KAZN: variants seen among roughly 807,000 people sequenced by gnomAD.
KAZN encodes the protein kazrin, periplakin interacting protein.
KAZN carries 40 observed loss-of-function variants against 87.4 expected under a neutral mutation model. The ratio of observed to expected loss-of-function variants is 0.46; its 90% CI spans 0.36 to 0.60. The LOEUF is 0.60. Ranked by LOEUF, KAZN falls within the 20% of genes least tolerant of loss-of-function variation. The pLI is 0.00. For synonymous variants in KAZN, 466 were observed against 458.3 expected (o/e 1.02, Z -0.22); for missense variants, 898 against 1,073.9 (o/e 0.84, Z 2.29).
intron 1 of KAZN, among the ~76,000 whole-genome samples, chr1:14,762,392 G>A (rs939974391): frequency 6.6e-6 from 1 of 152,184 alleles, no homozygotes; most frequent in Non-Finnish European, 1.5e-5. Context: ...TAGGGCTTCA[G>A]GTAGCAGGTG....
intron 1 of KAZN, chr1:13,893,837 G>A: frequency 6.9e-7 from 1 of 1,439,720 alleles, no homozygotes; most frequent in Non-Finnish European, 9.4e-7. Context: ...AGCGGTCTGT[G>A]TGTGTCTGTG....
chr1:14,255,611 G>T (rs6429832), intron 2 of KAZN, among the ~76,000 whole-genome samples: 28,986 of 152,142 alleles, frequency 0.19, 3,103 homozygotes, highest in Middle Eastern at 0.32. Context: ...CTATGTCATA[G>T]TTTTATACAA....
At chr1:14,052,048 A>G (rs907239901) in intron 1 of KAZN, among the ~76,000 whole-genome samples, 2 of 151,982 alleles carry the variant, frequency 1.3e-5, no homozygotes, top group Non-Finnish European at 2.9e-5. Flanking sequence ...TGTGGTTTGG[A>G]TTTTATGTAC....
At chr1:14,425,583 C>T (rs1358571659) in intron 2 of KAZN, among the ~76,000 whole-genome samples, 1 of 152,156 alleles carries the variant, frequency 6.6e-6, no homozygotes, top group African/African-American at 2.4e-5. Context: ...CAAACTTGGA[C>T]TTGAATCCCG....
chr1:14,480,570 C>T (rs1669014263), intron 2 of KAZN, among the ~76,000 whole-genome samples: 1 of 145,668 alleles, frequency 6.9e-6, no homozygotes, highest in Admixed American at 6.9e-5. Context: ...TATTTATAAA[C>T]ATAATACATA....
At chr1:14,379,048 C>T (rs1661146659) in intron 2 of KAZN, among the ~76,000 whole-genome samples, 1 of 77,232 alleles carries the variant, frequency 1.3e-5, no homozygotes, top group Admixed American at 1.7e-4. Flanking sequence ...ATCTAGAATG[C>T]CAGCTCAGCC....
chr1:15,060,441 G>A (rs1033653585), intron 6 of KAZN, 139 bp downstream of exon 6: 74 of 1,163,932 alleles, frequency 6.4e-5, no homozygotes, highest in Non-Finnish European at 1.6e-5. Context: ...TTCCTGTTCT[G>A]TTCTTTCCTT....
intron 1 of KAZN, among the ~76,000 whole-genome samples, chr1:14,833,999 A>ACACG (rs1010519806): frequency 6.7e-6 from 1 of 150,126 alleles, no homozygotes; most frequent in African/African-American, 2.4e-5. Context: ...ACACACACAC[A>ACACG]CACACACACA....
chr1:14,602,927 G>T (rs1344418), intron 1 of KAZN, among the ~76,000 whole-genome samples: 111,028 of 152,132 alleles, frequency 0.73, 41,249 homozygotes, highest in Non-Finnish European at 0.81. Flanking sequence ...TTTGTTAGAA[G>T]GGGATGGAGG....
At chr1:15,001,225 G>A (rs2102014327) in intron 2 of KAZN, among the ~76,000 whole-genome samples, 1 of 152,030 alleles carries the variant, frequency 6.6e-6, no homozygotes, top group South Asian at 2.1e-4. Context: ...ACTTTGGGAG[G>A]CTGACGCGGG....
At chr1:14,477,114 C>T (rs1174581180) in intron 2 of KAZN, among the ~76,000 whole-genome samples, 3 of 152,158 alleles carry the variant, frequency 2.0e-5, no homozygotes, top group Non-Finnish European at 2.9e-5. Flanking sequence ...TCCCACATGT[C>T]GTGGAAGGAA....
At chr1:14,241,092 CA>C in intron 2 of KAZN, among the ~76,000 whole-genome samples, 1 of 152,216 alleles carries the variant, frequency 6.6e-6, no homozygotes, top group Non-Finnish European at 1.5e-5. Context: ...GCTCAAGTCC[CA>C]GCTAAATGGA....
At chr1:13,909,301 A>C (rs1639563062) in intron 1 of KAZN, among the ~76,000 whole-genome samples, 1 of 152,172 alleles carries the variant, frequency 6.6e-6, no homozygotes, top group South Asian at 2.1e-4. Flanking sequence ...AGACAGTGTG[A>C]GTCTTTCTCC....
At chr1:15,111,078 C>T (rs1641594504) in intron 13 of KAZN, among the ~76,000 whole-genome samples, 1 of 152,214 alleles carries the variant, frequency 6.6e-6, no homozygotes. Context: ...TGACCCACCA[C>T]TGAGCAAGGC....
intron 1 of KAZN, among the ~76,000 whole-genome samples, chr1:14,629,845 C>T (rs1679432215): frequency 6.6e-6 from 1 of 152,236 alleles, no homozygotes; most frequent in Middle Eastern, 3.4e-3. Context: ...GGAAGCTGCA[C>T]ACCCTGGGGC....
chr1:14,329,529 T>TGTGGGTGTGCAA (rs1448252328), intron 2 of KAZN, among the ~76,000 whole-genome samples: 1 of 152,214 alleles, frequency 6.6e-6, no homozygotes, highest in East Asian at 1.9e-4. Flanking sequence ...AGATCTAAAA[T>TGTGGGTGTGCAA]GTGGGTGTGC....
intron 2 of KAZN, among the ~76,000 whole-genome samples, chr1:14,427,674 A>C (rs117459751): frequency 1.3e-5 from 2 of 152,306 alleles, no homozygotes; most frequent in South Asian, 4.1e-4. Context: ...TCCATATAGA[A>C]TATAGGGTCA....
Position 14,206,045 on chromosome 1 carries a change from C to T in KAZN, c.249+25453C>T, listed in dbSNP as rs76300723. ...ATAAATAAATTTTTTAAAAAAGCCA[C>T]CCAAAGATAGGTAAACATTACTGCA... On this transcript the variant is annotated intron_variant, in intron 2 of 16. Coordinates refer to the KAZN transcript ENST00000636203. Among the ~76,000 whole-genome samples, 75 of 152,152 alleles carry T rather than the reference C, an allele frequency of 4.9e-4. 1 individual carries two copies. Among genetic ancestry groups the T allele is most frequent in the African/African-American group, 1.7e-3 (72 of 41,510 alleles).
chr1:14,622,639 G>A (rs944292492), intron 1 of KAZN, among the ~76,000 whole-genome samples: 22 of 144,698 alleles, frequency 1.5e-4, no homozygotes, highest in East Asian at 2.0e-4. Flanking sequence ...TGCAGGGAGC[G>A]GAGATCGACC....
Sources: gnomAD v4.1 joint callset for allele counts (sites outside exome capture counted in the v4.1 genomes callset) on GRCh38, gnomAD v4.1.1 for gene constraint, MANE v1.5 for transcripts, NCBI Gene and HGNC (gene_info 2026-07-23, HGNC 2026-07-21) for gene names.